The following ZFP82 variants were observed in gnomAD, a reference collection of about 807,000 sequenced individuals.
ZFP82 encodes the protein ZFP82 zinc finger protein, also known as zinc finger protein 82 homolog.
In ZFP82, 30 loss-of-function variants were observed where a neutral mutation model predicts 54.0. The observed-to-expected ratio is 0.56, with a 90% CI of 0.42 to 0.75. The LOEUF is 0.75. Among genes scored for constraint, ZFP82 ranks in the 30% least tolerant of loss-of-function variants. The pLI is 0.00. For missense variants in ZFP82, 500 were observed against 636.8 expected (o/e 0.79, Z 2.31); for synonymous variants, 194 against 209.5 (o/e 0.93, Z 0.64).
At chr19:36,385,169 G>A (rs1239385871), downstream of ZFP82, among the ~76,000 whole-genome samples, 1 of 152,066 alleles carries the variant, frequency 6.6e-6, no homozygotes, top group East Asian at 1.9e-4. Flanking sequence ...CACAGGAATG[G>A]GTTTGTTATC....
At chr19:36,402,078 C>A (rs975962036) in intron 4 of ZFP82, among the ~76,000 whole-genome samples, 1 of 152,208 alleles carries the variant, frequency 6.6e-6, no homozygotes, top group African/African-American at 2.4e-5. Flanking sequence ...TGCTTCCTGA[C>A]TAAATGGATA....
chr19:36,417,357 T>C (rs1159800697), intron 1 of ZFP82, among the ~76,000 whole-genome samples: 2 of 152,102 alleles, frequency 1.3e-5, no homozygotes, highest in Non-Finnish European at 2.9e-5. Context: ...ATCTACCAAA[T>C]GGGTATGTGC....
downstream of ZFP82, chr19:36,384,101 A>G (rs1404572744): frequency 6.6e-6 from 1 of 152,188 alleles, no homozygotes. Flanking sequence ...GTAAATATTA[A>G]CTATGACTGA....
At chr19:36,385,595 T>C (rs1359809345), downstream of ZFP82, among the ~76,000 whole-genome samples, 1 of 152,154 alleles carries the variant, frequency 6.6e-6, no homozygotes, top group Admixed American at 6.6e-5. Context: ...AAGAGCTGTA[T>C]GGAAAGTCTG....
chr19:36,398,770 C>G (rs2145585087), intron 4 of ZFP82, among the ~76,000 whole-genome samples: 1 of 152,248 alleles, frequency 6.6e-6, no homozygotes, highest in East Asian at 1.9e-4. Context: ...ACTGCCGCCT[C>G]TAACTCGTGG....
chr19:36,387,176 G>C (rs1177594125), downstream of ZFP82, among the ~76,000 whole-genome samples: 1 of 152,206 alleles, frequency 6.6e-6, no homozygotes, highest in African/African-American at 2.4e-5. Flanking sequence ...GAACTTCTGA[G>C]TTTGTGCTTG....
rs891217973 is a variant in ZFP82 at position 36,390,542 on chromosome 19, C to T, written c.*2199G>A. 6 of 152,088 alleles carry T rather than the reference C, an allele frequency of 3.9e-5. No homozygotes were observed. The highest frequency in any genetic ancestry group is 8.8e-5 in the Non-Finnish European group (6 of 68,018). 9.4% of individuals were successfully genotyped at this position (152,088 alleles called of 1,614,324 possible). A position where few individuals can be genotyped will look rare whatever the true frequency, so the allele number is the denominator to read the frequency against. ...GCCAAGAAAACTTCACAGGTGTCCACTGTGTGTATCCATTTCATCACATCA... is the reference window on the plus strand; with the variant it reads ...GCCAAGAAAACTTCACAGGTGTCCATTGTGTGTATCCATTTCATCACATCA... On this transcript the variant is annotated 3_prime_UTR_variant, in exon 5 of 5. Coordinates refer to ENST00000392161, the MANE Select transcript of ZFP82 (RefSeq NM_133466.4).
intron 3 of ZFP82, among the ~76,000 whole-genome samples, chr19:36,407,243 AT>A (rs1187492355): frequency 6.6e-6 from 1 of 150,424 alleles, no homozygotes; most frequent in Non-Finnish European, 1.5e-5. Flanking sequence ...CGCCCGGCTA[AT>A]TTTTTGTATT....
chr19:36,413,856 A>G (rs2032620268), intron 1 of ZFP82, among the ~76,000 whole-genome samples: 1 of 152,076 alleles, frequency 6.6e-6, no homozygotes, highest in Non-Finnish European at 1.5e-5. Flanking sequence ...AGTGAAAAAC[A>G]TCACATACCC....
chr19:36,393,537 T>C lies in ZFP82; in HGVS notation c.803A>G (p.Gln268Arg), dbSNP rs1568483418. The part of the protein sequence containing the change: ...ECGKAFRVRG[Q>R]LTLHQRIHTG... ...ATGAATCCTCTGATGCAGAGTAAGT[T>C]GTCCTCGTACCCTAAAAGCCTTCCC... The change falls in exon 5 of 5, where the codon CAA becomes CGA. Residue 268 changes from glutamine to arginine, a missense_variant. Transcript: ENST00000392161. 5 of 1,614,142 alleles carry C rather than the reference T, an allele frequency of 3.1e-6. No individual in the cohort carries two copies. Among genetic ancestry groups the C allele is most frequent in the Non-Finnish European group, 3.4e-6 (4 of 1,180,006 alleles).
chr19:36,402,866 C>A (rs999598090), intron 4 of ZFP82, among the ~76,000 whole-genome samples: 7 of 152,064 alleles, frequency 4.6e-5, no homozygotes, highest in African/African-American at 1.7e-4. Flanking sequence ...TGGCCAGGCG[C>A]GGTGGCTCAC....
Position 36,394,015 on chromosome 19 carries a change from T to C in ZFP82, c.325A>G (p.Asn109Asp), listed in dbSNP as rs573960775. Residue 109 changes from asparagine (N) to aspartate (D), a missense_variant, in exon 5 of 5, where the codon AAC (asparagine) becomes GAC (aspartate). By Grantham distance (23) the Asn-to-Asp change is conservative (BLOSUM62 1). Coordinates refer to ENST00000392161, the MANE Select transcript of ZFP82 (RefSeq NM_133466.4). ...SQWKIMERIE[N>D]HGLKGLILKN... ...AAAATGAGACCCTTAAGGCCATGGT[T>C]TTCAATTCTTTCCATTATCTTCCAC... 2 of 1,610,394 alleles carry C rather than the reference T, an allele frequency of 1.2e-6. No homozygotes were observed. The highest frequency in any genetic ancestry group is 2.7e-5 in the African/African-American group (2 of 74,732).
At position 36,391,906 on chromosome 19, in the gene ZFP82, T is replaced by C. The variant is rs1006603795; in HGVS notation, c.*835A>G. The C allele has an allele frequency of 6.6e-6, 1 of 152,242 alleles. No individual in the cohort carries two copies. The highest frequency in any genetic ancestry group is 6.5e-5 in the Admixed American group (1 of 15,278). The allele number at this position is 152,242 out of a possible 1,614,324, so 9.4% of individuals were successfully genotyped here. A position where few individuals can be genotyped will look rare whatever the true frequency, so the allele number is the denominator to read the frequency against. On this transcript the variant is annotated 3_prime_UTR_variant, in exon 5 of 5. Transcript: ENST00000392161. ...CTATACTCATTATGCCCACAGCCTT[T>C]AGTATGAATTATGTAAAAATAAATA...
intron 1 of ZFP82, among the ~76,000 whole-genome samples, chr19:36,411,267 T>C (rs765813743): frequency 9.2e-5 from 14 of 152,154 alleles, no homozygotes; most frequent in Non-Finnish European, 1.9e-4. Flanking sequence ...GAATCATTTA[T>C]CTAACCATAG....
At chr19:36,388,196 G>C (rs1356616382), downstream of ZFP82, among the ~76,000 whole-genome samples, 1 of 152,012 alleles carries the variant, frequency 6.6e-6, no homozygotes. Flanking sequence ...TTTTATAATT[G>C]TTTTAATTGA....
At chr19:36,412,390 T>C (rs1274984880) in intron 1 of ZFP82, among the ~76,000 whole-genome samples, 3 of 152,202 alleles carry the variant, frequency 2.0e-5, no homozygotes, top group Admixed American at 6.5e-5. Context: ...AGATAGTTTT[T>C]AAAGTAGTCA....
rs141036317 is a variant in ZFP82, at chr19:36,389,407, C to T, written c.*3334G>A. 4.7e-4 allele frequency among the ~76,000 whole-genome samples: 72 copies of T among 152,250 alleles called. No homozygotes were observed. Among genetic ancestry groups the T allele is most frequent in the African/African-American group, 1.3e-3 (54 of 41,542 alleles). On this transcript the variant is annotated 3_prime_UTR_variant, in exon 5 of 5. Transcript: ENST00000392161. ...AAAATATATGTAAAGATAGTAAGAA[C>T]GGCACAATGAACCCTGTGTACCTAA...
chr19:36,401,345 A>C (rs2032381722), intron 4 of ZFP82, among the ~76,000 whole-genome samples: 2 of 152,290 alleles, frequency 1.3e-5, no homozygotes, highest in African/African-American at 4.8e-5. Context: ...CAAACTTAAA[A>C]TATCTTAAAC....
chr19:36,401,874 A>G (rs2032390433), intron 4 of ZFP82, among the ~76,000 whole-genome samples: 1 of 152,216 alleles, frequency 6.6e-6, no homozygotes, highest in Admixed American at 6.5e-5. Flanking sequence ...CCAGAAAATG[A>G]CATGTCTTGA....
Sources: gnomAD v4.1 joint callset for allele counts (sites outside exome capture counted in the v4.1 genomes callset) on GRCh38, gnomAD v4.1.1 for gene constraint, MANE v1.5 for transcripts, NCBI Gene and HGNC (gene_info 2026-07-23, HGNC 2026-07-21) for gene names.